Variants in VAT1L observed in about 807,000 individuals in gnomAD.
The protein encoded by VAT1L is vesicle amine transport 1 like.
A neutral mutation model predicts 44.1 loss-of-function variants in VAT1L; 34 were observed. The ratio of observed to expected loss-of-function variants is 0.77; its 90% CI spans 0.59 to 1.03. VAT1L has a LOEUF of 1.03. VAT1L is among the 50% of genes least tolerant of loss of function. The pLI, the probability that VAT1L is intolerant of heterozygous loss-of-function variation, is 0.00. For synonymous variants in VAT1L, 253 were observed against 202.2 expected (o/e 1.25, Z -2.13); for missense variants, 615 against 538.8 (o/e 1.14, Z -1.40).
At chr16:77,789,446 A>G (rs1284881341) in intron 1 of VAT1L, among the ~76,000 whole-genome samples, 1 of 152,140 alleles carries the variant, frequency 6.6e-6, no homozygotes, top group Admixed American at 6.5e-5. Context: ...GTCAGCTGCC[A>G]CTAAGTGGCT....
At chr16:77,851,997 T>G (rs2016813104) in intron 3 of VAT1L, among the ~76,000 whole-genome samples, 1 of 152,178 alleles carries the variant, frequency 6.6e-6, no homozygotes, top group African/African-American at 2.4e-5. Context: ...GGTTTTCTGT[T>G]CCTGCGTGTT....
At chr16:77,847,521 C>T in intron 3 of VAT1L, among the ~76,000 whole-genome samples, 1 of 152,170 alleles carries the variant, frequency 6.6e-6, no homozygotes, top group Non-Finnish European at 1.5e-5. Context: ...ATATGCATGT[C>T]CTGCCTGTCC....
chr16:77,839,627 T>A (rs2016682868), intron 3 of VAT1L, among the ~76,000 whole-genome samples: 1 of 133,300 alleles, frequency 7.5e-6, no homozygotes, highest in Admixed American at 8.1e-5. Context: ...GTATGACAAG[T>A]GAGAAGGAGA....
chr16:77,827,882 G>A (rs16946567), intron 3 of VAT1L, among the ~76,000 whole-genome samples: 1,735 of 152,130 alleles, frequency 0.011, 44 homozygotes, highest in African/African-American at 0.04. Context: ...TTTTTCTTAC[G>A]GTGCACTCTT....
At chr16:77,949,827 T>G (rs541689666) in intron 7 of VAT1L, among the ~76,000 whole-genome samples, 5 of 152,350 alleles carry the variant, frequency 3.3e-5, no homozygotes, top group African/African-American at 1.2e-4. Flanking sequence ...ACAAAGGGAC[T>G]AATACAGCAG....
At chr16:77,803,945 C>T (rs113675784) in intron 1 of VAT1L, among the ~76,000 whole-genome samples, 293 of 152,244 alleles carry the variant, frequency 1.9e-3, no homozygotes, top group African/African-American at 6.9e-3. Flanking sequence ...TGAGAAGAAC[C>T]TGATCCCAGT....
At position 77,884,815 on chromosome 16, in the gene VAT1L, C is replaced by A. The variant is rs2142461572; in HGVS notation, c.1077+13C>A. 2 of 1,458,012 alleles carry A rather than the reference C, an allele frequency of 1.4e-6. No homozygotes were observed. Among genetic ancestry groups the A allele is most frequent in the East Asian group, 2.6e-5 (1 of 39,088 alleles). 90.3% of individuals were successfully genotyped at this position (1,458,012 alleles called of 1,614,324 possible). A position where few individuals can be genotyped will look rare whatever the true frequency, so the allele number is the denominator to read the frequency against. The stretch of plus-strand genomic sequence containing the variant: ...GGCTCTGGAGGAGGTAAGAATGGTG[C>A]TTTTCTTCTGCAAATAAACTCCTCT... On this transcript the variant is annotated intron_variant, in intron 7 of 8. Coordinates refer to ENST00000302536, the MANE Select transcript of VAT1L (RefSeq NM_020927.3). The surrounding 1 kb of genome is among the most constrained non-coding windows in gnomAD (Gnocchi z 4.5).
At chr16:77,862,645 AAAG>A in intron 3 of VAT1L, 100 bp from the exon 4 acceptor site, 4 of 1,129,622 alleles carry the variant, frequency 3.5e-6, no homozygotes, top group African/African-American at 1.6e-5. Flanking sequence ...AAAAAAAAAA[AAAG>A]TCAATAGTGC....
At chr16:77,788,997 T>C in intron 1 of VAT1L, 82 bp downstream of exon 1, 1 of 1,409,310 alleles carries the variant, frequency 7.1e-7, no homozygotes, top group Non-Finnish European at 9.3e-7. Flanking sequence ...GCGGCTGGGA[T>C]GCTGCCCGGG....
intron 3 of VAT1L, among the ~76,000 whole-genome samples, chr16:77,853,690 G>A (rs1270310469): frequency 6.6e-6 from 1 of 152,078 alleles, no homozygotes; most frequent in Non-Finnish European, 1.5e-5. Context: ...TGGAGCCTGG[G>A]AATCTGCATT....
At chr16:77,809,197 G>C (rs1378673943) in intron 1 of VAT1L, among the ~76,000 whole-genome samples, 1 of 152,132 alleles carries the variant, frequency 6.6e-6, no homozygotes, top group Non-Finnish European at 1.5e-5. Flanking sequence ...TGTAAAATGG[G>C]GGTAATATTG....
intron 4 of VAT1L, among the ~76,000 whole-genome samples, chr16:77,863,967 G>C (rs1489260420): frequency 1.3e-5 from 2 of 152,190 alleles, no homozygotes; most frequent in Non-Finnish European, 2.9e-5. Flanking sequence ...GATGGGTAGA[G>C]GGAGGCTGGG....
intron 3 of VAT1L, among the ~76,000 whole-genome samples, chr16:77,839,535 CAAAAAAAAAAAAAAAAAAA>C (rs71137846): frequency 1.2e-4 from 6 of 49,086 alleles, no homozygotes; most frequent in South Asian, 2.4e-3. Context: ...TACTCCATAT[CAAAAAAAAAAAAAAAAAAA>C]AAAAAAAAAA....
chr16:77,828,994 C>A (rs113856632), intron 3 of VAT1L, among the ~76,000 whole-genome samples: 1 of 152,232 alleles, frequency 6.6e-6, no homozygotes, highest in Non-Finnish European at 1.5e-5. Context: ...CTACCACTTT[C>A]CTGGGGCTGC....
Position 77,825,375 on chromosome 16 carries a change from T to C in VAT1L, c.493T>C (p.Phe165Leu). Residue 165 changes from phenylalanine (F) to leucine (L), a missense_variant, in exon 3 of 9, where the codon TTC becomes CTC. Phe to Leu is a conservative substitution (Grantham distance 22). Transcript: ENST00000302536. ...FSEAAAFPMN[F>L]VTAYVMLFEV... ...CGAGGCTGCTGCATTCCCCATGAAC[T>C]TCGTCACAGCCTATGTGATGCTGTT... 6.2e-7 allele frequency: 1 copy of C among 1,614,028 alleles called. No individual in the cohort carries two copies. The highest frequency in any genetic ancestry group is 1.1e-5 in the South Asian group (1 of 91,014).
chr16:77,892,422 C>T (rs1009006308), intron 7 of VAT1L: 11 of 458,116 alleles, frequency 2.4e-5, no homozygotes, highest in East Asian at 5.3e-5. Flanking sequence ...TGCTGCTGCA[C>T]CATGGTCAAT....
chr16:77,936,157 T>C (rs2017793562), intron 7 of VAT1L, among the ~76,000 whole-genome samples: 1 of 152,168 alleles, frequency 6.6e-6, no homozygotes, highest in Admixed American at 6.5e-5. Flanking sequence ...AAAGACCTGG[T>C]AGGTACAGGG....
At chr16:77,902,737 G>GGC (rs1162972347) in intron 7 of VAT1L, among the ~76,000 whole-genome samples, 1 of 126,520 alleles carries the variant, frequency 7.9e-6, no homozygotes, top group African/African-American at 3.4e-5. Flanking sequence ...GGGGGTGGGG[G>GGC]GGGTGTGGAT....
At chr16:77,807,501 T>C (rs1196492804) in intron 1 of VAT1L, among the ~76,000 whole-genome samples, 3 of 152,084 alleles carry the variant, frequency 2.0e-5, no homozygotes, top group Non-Finnish European at 4.4e-5. Flanking sequence ...TGAGACCTCT[T>C]TACTGGTATA....
Sources: allele counts gnomAD v4.1 joint callset (sites outside exome capture counted in the v4.1 genomes callset), GRCh38; gene constraint gnomAD v4.1.1; non-coding constraint Gnocchi (gnomAD v3.1); transcripts MANE v1.5; gene names NCBI Gene and HGNC (gene_info 2026-07-23, HGNC 2026-07-21).